FAM185A: variants seen among roughly 807,000 people sequenced by gnomAD.
The protein encoded by FAM185A is protein FAM185A.
A neutral mutation model predicts 45.7 loss-of-function variants in FAM185A; 21 were observed. The observed-to-expected ratio is 0.46, with a 90% CI of 0.33 to 0.66. The LOEUF (loss-of-function observed/expected upper bound fraction) is 0.66. FAM185A is among the 30% of genes least tolerant of loss of function. The probability of loss-of-function intolerance (pLI) is 0.03; values close to 1 mark genes in which losing one functional copy is unlikely to be tolerated. For synonymous variants in FAM185A, 117 were observed against 194.0 expected (o/e 0.60, Z 3.30); for missense variants, 305 against 485.4 (o/e 0.63, Z 3.49).
chr7:102,821,508 A>G, the FAM185A span, among the ~76,000 whole-genome samples: 1 of 152,190 alleles, frequency 6.6e-6, no homozygotes, highest in East Asian at 1.9e-4. Flanking sequence ...CTTGAGCCAC[A>G]TTGTACACTT....
the FAM185A span, among the ~76,000 whole-genome samples, chr7:102,828,063 C>T: frequency 2.6e-5 from 4 of 152,292 alleles, no homozygotes; most frequent in African/African-American, 9.6e-5. Context: ...CTTGGCAATG[C>T]GGGCTCTTTT....
chr7:102,766,229 CG>C (rs1226195703), intron 4 of FAM185A, among the ~76,000 whole-genome samples: 2 of 152,242 alleles, frequency 1.3e-5, no homozygotes, highest in African/African-American at 4.8e-5. Context: ...TGTTATGATC[CG>C]GAACAGTGAC....
the FAM185A span, among the ~76,000 whole-genome samples, chr7:102,824,503 CTTT>C: frequency 6.6e-6 from 1 of 151,478 alleles, no homozygotes; most frequent in Admixed American, 6.6e-5. Context: ...TTTTTTCTTT[CTTT>C]TTTTTATTTT....
chr7:102,765,466 T>G (rs1028672427), intron 4 of FAM185A, among the ~76,000 whole-genome samples: 1 of 151,932 alleles, frequency 6.6e-6, no homozygotes, highest in Admixed American at 6.6e-5. Context: ...ATTTATTTTT[T>G]GTCTGCATTT....
At chr7:102,771,333 C>T (rs1794731096) in intron 4 of FAM185A, among the ~76,000 whole-genome samples, 2 of 152,100 alleles carry the variant, frequency 1.3e-5, no homozygotes, top group Non-Finnish European at 1.5e-5. Flanking sequence ...AACAAACCTG[C>T]ACATGTATCC....
chr7:102,810,764 A>G (rs1301421403), downstream of FAM185A, among the ~76,000 whole-genome samples: 1 of 150,956 alleles, frequency 6.6e-6, no homozygotes, highest in Non-Finnish European at 1.5e-5. Context: ...TAATTTTTAA[A>G]TTTTTTATAG....
intron 7 of FAM185A, among the ~76,000 whole-genome samples, chr7:102,797,076 T>C (rs1796476359): frequency 6.6e-6 from 1 of 152,238 alleles, no homozygotes; most frequent in Non-Finnish European, 1.5e-5. Flanking sequence ...ATAGGCATCA[T>C]TAAAACTAGC....
chr7:102,760,811 C>T (rs1302591497), intron 3 of FAM185A, among the ~76,000 whole-genome samples: 1 of 152,008 alleles, frequency 6.6e-6, no homozygotes, highest in Admixed American at 6.5e-5. Flanking sequence ...GAAATGAAGC[C>T]ATCACTTGTA....
At chr7:102,785,589 C>G (rs557894744) in intron 6 of FAM185A, among the ~76,000 whole-genome samples, 8 of 151,398 alleles carry the variant, frequency 5.3e-5, no homozygotes, top group African/African-American at 1.9e-4. Flanking sequence ...AAAGGATTCC[C>G]TATTTAATAA....
downstream of FAM185A, among the ~76,000 whole-genome samples, chr7:102,811,720 A>C (rs1417961222): frequency 6.6e-6 from 1 of 152,146 alleles, no homozygotes; most frequent in East Asian, 1.9e-4. Context: ...ATTTTTGAAA[A>C]CATCTTTAAT....
intron 5 of FAM185A, among the ~76,000 whole-genome samples, chr7:102,775,428 C>T (rs1344711658): frequency 6.6e-6 from 1 of 152,174 alleles, no homozygotes; most frequent in African/African-American, 2.4e-5. Flanking sequence ...TGTTTTGCTG[C>T]ATAGTTTTAA....
At chr7:102,813,476 C>G, downstream of FAM185A, 1 of 1,614,100 alleles carries the variant, frequency 6.2e-7, no homozygotes. Flanking sequence ...CGTGGAGGGT[C>G]ATTAGTGTTG....
chr7:102,798,121 C>T lies in FAM185A; in HGVS notation c.1067-10169C>T, dbSNP rs1389319201. Among the ~76,000 whole-genome samples, 9 of 152,274 alleles carry T rather than the reference C, an allele frequency of 5.9e-5. No homozygotes were observed. The East Asian group carries it at 1.7e-3, about 29-fold the overall frequency. ...CACATGTCCTAGGAAGCCTTTCCTC[C>T]CACTTAGTGGAAGCCACAGTGTATA... On this transcript the variant is annotated intron_variant, in intron 7 of 7. Transcript: ENST00000413034.
intron 7 of FAM185A, among the ~76,000 whole-genome samples, chr7:102,797,035 T>C (rs180858292): frequency 1.6e-3 from 241 of 152,334 alleles, no homozygotes; most frequent in African/African-American, 5.4e-3. Flanking sequence ...ACTTTATTAT[T>C]ATTGCAAGTA....
At chr7:102,773,684 A>AT (rs1398914664) in intron 5 of FAM185A, among the ~76,000 whole-genome samples, 31 of 152,268 alleles carry the variant, frequency 2.0e-4, no homozygotes, top group South Asian at 4.1e-4. Context: ...ATGTATGAGA[A>AT]TTTGAGTTGC....
At chr7:102,814,082 A>G (rs1474826515), downstream of FAM185A, among the ~76,000 whole-genome samples, 1 of 152,188 alleles carries the variant, frequency 6.6e-6, no homozygotes, top group East Asian at 1.9e-4. Context: ...AGTATTAAAA[A>G]ATACTGTTAT....
At chr7:102,822,064 AT>A in the FAM185A span, 7 of 1,614,124 alleles carry the variant, frequency 4.3e-6, no homozygotes, top group South Asian at 7.7e-5. Flanking sequence ...GCAGTATTGC[AT>A]CTTAAGGATC....
In FAM185A at chr7:102,806,560, T is replaced by C. The variant is rs1192085070; in HGVS notation, c.1067-1730T>C. The stretch of plus-strand genomic sequence containing the variant: ...GAACCCAAGTTTTTGTTTGTTTGTT[T>C]GTGTTTTTTTGTTTTAAATTTTTGT... On this transcript the variant is annotated intron_variant, in intron 7 of 7. Coordinates refer to ENST00000413034, the MANE Select transcript of FAM185A (RefSeq NM_001145268.2). 6.7e-5 allele frequency among the ~76,000 whole-genome samples: 9 copies of C among 133,782 alleles called. 1 individual carries two copies. Among genetic ancestry groups the C allele is most frequent in the Admixed American group, 6.4e-4 (9 of 13,966 alleles). 87.8% of individuals were successfully genotyped at this position (133,782 alleles called of 152,430 possible).
intron 6 of FAM185A, among the ~76,000 whole-genome samples, chr7:102,784,239 G>T (rs1010073003): frequency 2.0e-5 from 3 of 151,404 alleles, no homozygotes; most frequent in African/African-American, 7.3e-5. Context: ...ATTCACAGCC[G>T]AATTCTACCA....
Sources: gnomAD v4.1 joint callset for allele counts (sites outside exome capture counted in the v4.1 genomes callset) on GRCh38, gnomAD v4.1.1 for gene constraint, MANE v1.5 for transcripts, NCBI Gene and HGNC (gene_info 2026-07-23, HGNC 2026-07-21) for gene names.